The following LIMS2 variants were observed in gnomAD, a reference collection of about 807,000 sequenced individuals.
LIMS2 encodes the protein LIM zinc finger domain containing 2.
LIMS2 carries 30 observed loss-of-function variants against 45.3 expected under a neutral mutation model. That is an observed-to-expected ratio of 0.66 (90% CI 0.50 to 0.90). The LOEUF (loss-of-function observed/expected upper bound fraction) is 0.90. LIMS2 is among the 40% of genes least tolerant of loss of function. The pLI is 0.00. For missense variants in LIMS2, 485 were observed against 468.7 expected (o/e 1.03, Z -0.32); for synonymous variants, 173 against 188.0 (o/e 0.92, Z 0.65).
chr2:127,650,081 T>C, intron 4 of LIMS2: 1 of 1,600,708 alleles, frequency 6.2e-7, no homozygotes, highest in Non-Finnish European at 8.5e-7. Flanking sequence ...CTCAGGTGGG[T>C]AAAAAGAGTA....
Position 127,649,179 on chromosome 2 carries a change from G to GGAAA in LIMS2, c.359+5244_359+5245insTTTC, listed in dbSNP as rs1316602152. On this transcript the variant is annotated intron_variant, in intron 4 of 9. Coordinates refer to ENST00000355119, the MANE Select transcript of LIMS2 (RefSeq NM_001161403.3). ...AGAGAGGAAGGTAGGAAGGAAGGAAGGAAGGAAGGAAGGAAGGAAGGAAGG... is the reference window on the plus strand; with the variant it reads ...AGAGAGGAAGGTAGGAAGGAAGGAAGGAAAGAAGGAAGGAAGGAAGGAAGGAAGG... 3.1e-3 allele frequency among the ~76,000 whole-genome samples: 369 copies of GGAAA among 118,398 alleles called. 2 individuals are homozygous for GGAAA. Among genetic ancestry groups the GGAAA allele is most frequent in the African/African-American group, 0.011 (246 of 21,970 alleles). 77.7% of individuals were successfully genotyped at this position (118,398 alleles called of 152,430 possible). A position where few individuals can be genotyped will look rare whatever the true frequency, so the allele number is the denominator to read the frequency against.
chr2:127,668,661 T>C (rs1281334840), intron 1 of LIMS2, among the ~76,000 whole-genome samples: 1 of 54,356 alleles, frequency 1.8e-5, no homozygotes, highest in Non-Finnish European at 3.2e-5. Flanking sequence ...AGAGTGAGAC[T>C]CCGTCTCAAA....
At chr2:127,679,451 G>GA (rs11398131), upstream of LIMS2, among the ~76,000 whole-genome samples, 57,603 of 151,946 alleles carry the variant, frequency 0.38, 12,011 homozygotes, top group African/African-American at 0.56. This position sits in a 1 kb window ranked among gnomAD's most constrained non-coding sequence, Gnocchi z 5.3. Context: ...CTGGGGGACA[G>GA]TGGGGCTCTG....
In LIMS2 at chr2:127,654,532, A is replaced by G. The variant is rs1558887521; in HGVS notation, c.251T>C (p.Ile84Thr). 3 of 1,614,110 alleles carry G rather than the reference A, an allele frequency of 1.9e-6. No individual in the cohort carries two copies. The highest frequency in any genetic ancestry group is 2.5e-6 in the Non-Finnish European group (3 of 1,179,968). Residue 84 changes from isoleucine (I) to threonine (T), a missense_variant, in exon 4 of 10, where the codon ATT (isoleucine) becomes ACT (threonine). Physicochemically the swap from Ile to Thr is moderately conservative, Grantham distance 89. Coordinates refer to ENST00000355119, the MANE Select transcript of LIMS2 (RefSeq NM_001161403.3). ...GTTCATGGCCTTGATGACGCGGCCA[A>G]TGATGAACTCACCTGGAAGAAGACA... ...PCCGSCGEFI[I>T]GRVIKAMNNN... is the part of the protein sequence containing the mutation.
At chr2:127,662,134 C>CA (rs1281486394) in intron 1 of LIMS2, among the ~76,000 whole-genome samples, 2 of 152,172 alleles carry the variant, frequency 1.3e-5, no homozygotes, top group Non-Finnish European at 2.9e-5. Context: ...CACCAGGCTG[C>CA]AACCCTGGCC....
At chr2:127,640,171 A>G in intron 8 of LIMS2, 26 bp from the exon 9 acceptor site, 1 of 1,612,764 alleles carries the variant, frequency 6.2e-7, no homozygotes. Flanking sequence ...GGGACTCAGC[A>G]GGCCTGGCTA....
At chr2:127,658,686 T>C (rs915573652) in intron 1 of LIMS2, among the ~76,000 whole-genome samples, 1 of 152,172 alleles carries the variant, frequency 6.6e-6, no homozygotes. Flanking sequence ...AAGAACCGGA[T>C]ACCCCACACC....
In LIMS2 at chr2:127,639,317, C is replaced by G; in HGVS notation, c.990G>C (p.Lys330Asn). 1 of 1,613,912 alleles carries G rather than the reference C, an allele frequency of 6.2e-7. No homozygotes were observed. Among genetic ancestry groups the G allele is most frequent in the Non-Finnish European group, 8.5e-7 (1 of 1,179,920 alleles). Residue 330 changes from lysine to asparagine, a missense_variant, in exon 10 of 10, where the codon AAG (lysine) becomes AAC (asparagine). Physicochemically the swap from Lys to Asn is moderately conservative, Grantham distance 94. Transcript: ENST00000355119. Reference protein sequence around the residue: ...LKKLSELTSRKAQPKATDLNS... With the variant: ...LKKLSELTSRNAQPKATDLNS... ...TGAGGTCTGTGGCCTTGGGCTGGGC[C>G]TTGCGGGAGGTCAGCTCCGACAGCT...
At position 127,653,554 on chromosome 2, in the gene LIMS2, A is replaced by T. The variant is rs1199611515; in HGVS notation, c.359+870T>A. 6.6e-6 allele frequency among the ~76,000 whole-genome samples: 1 copy of T among 152,166 alleles called. No individual in the cohort carries two copies. Among genetic ancestry groups the T allele is most frequent in the Non-Finnish European group, 1.5e-5 (1 of 68,018 alleles). The stretch of plus-strand genomic sequence containing the variant: ...ATGAGGGCCGGGCACGGAGCCCCAG[A>T]CGACTCCCCATGGAGAGACAGGGAG... On this transcript the variant is annotated intron_variant, in intron 4 of 9. Coordinates refer to ENST00000355119, the MANE Select transcript of LIMS2 (RefSeq NM_001161403.3). The surrounding 1 kb of genome is among the most constrained non-coding windows in gnomAD (Gnocchi z 5.3).
At chr2:127,666,930 CGTG>C (rs1237263007) in intron 1 of LIMS2, among the ~76,000 whole-genome samples, 1 of 152,164 alleles carries the variant, frequency 6.6e-6, no homozygotes, top group African/African-American at 2.4e-5. Context: ...TCCCTTGACA[CGTG>C]GGGATTATAG....
chr2:127,648,092 G>A, intron 4 of LIMS2: 1 of 985,568 alleles, frequency 1.0e-6, no homozygotes, highest in Non-Finnish European at 1.2e-6. Flanking sequence ...GCAGTCCTAG[G>A]GAAAGTGCCA....
At chr2:127,674,002 C>T (rs954953159) in intron 1 of LIMS2, 4 of 482,276 alleles carry the variant, frequency 8.3e-6, no homozygotes, top group Middle Eastern at 6.0e-4. Flanking sequence ...GCAGGACTTA[C>T]AAAGTGACAA....
Position 127,664,324 on chromosome 2 carries a change from C to T in LIMS2, c.12-6762G>A, listed in dbSNP as rs977472417. 1 of 1,232,420 alleles carries T rather than the reference C, an allele frequency of 8.1e-7. No homozygotes were observed. Among genetic ancestry groups the T allele is most frequent in the Non-Finnish European group, 1.0e-6 (1 of 988,752 alleles). The allele number at this position is 1,232,420 out of a possible 1,614,324, so 76.3% of individuals were successfully genotyped here. On this transcript the variant is annotated intron_variant, in intron 1 of 9. Coordinates refer to ENST00000355119, the MANE Select transcript of LIMS2 (RefSeq NM_001161403.3). This position sits in a 1 kb window ranked among gnomAD's most constrained non-coding sequence, Gnocchi z 5.5. ...CACCTACCCCGTGGCTGGCGGCGGG[C>T]TCTGCCGGTGCTGGCGCCGCCGGTA... is the stretch of plus-strand genomic sequence containing the variant.
Position 127,642,889 on chromosome 2 carries a change from C to T in LIMS2, c.509+34G>A. 1 of 1,546,158 alleles carries T rather than the reference C, an allele frequency of 6.5e-7. No individual in the cohort carries two copies. Among genetic ancestry groups the T allele is most frequent in the Non-Finnish European group, 8.7e-7 (1 of 1,143,432 alleles). ...ACCCTGGGCCAGCCCTGGCTCCCCGCCCCCACAACTGCAGGGCCGGGCTGC... is the reference window on the plus strand; with the variant it reads ...ACCCTGGGCCAGCCCTGGCTCCCCGTCCCCACAACTGCAGGGCCGGGCTGC... On this transcript the variant is annotated intron_variant, in intron 5 of 9. Transcript: ENST00000355119. The surrounding 1 kb of genome is among the most constrained non-coding windows in gnomAD (Gnocchi z 5.3).
chr2:127,651,438 C>A, intron 4 of LIMS2: 13 of 1,612,826 alleles, frequency 8.1e-6, no homozygotes, highest in Middle Eastern at 1.6e-4. Flanking sequence ...CAAGGCAGTG[C>A]GCATGATCGC....
Position 127,653,830 on chromosome 2 carries a change from C to T in LIMS2, c.359+594G>A, listed in dbSNP as rs1030308779. Among the ~76,000 whole-genome samples, 5 of 152,014 alleles carry T rather than the reference C, an allele frequency of 3.3e-5. No individual in the cohort carries two copies. The highest frequency in any genetic ancestry group is 7.3e-5 in the African/African-American group (3 of 41,370). ...CAGCAGTGTTTTTAACCCAGCTCCC[C>T]AGCCCAGTCCTTCAGAAAGGACGAG... On this transcript the variant is annotated intron_variant, in intron 4 of 9. Coordinates refer to ENST00000355119, the MANE Select transcript of LIMS2 (RefSeq NM_001161403.3). The surrounding 1 kb of genome is among the most constrained non-coding windows in gnomAD (Gnocchi z 5.3).
intron 1 of LIMS2, chr2:127,673,746 A>G (rs1416291858): frequency 6.4e-7 from 1 of 1,551,118 alleles, no homozygotes; most frequent in Non-Finnish European, 8.7e-7. Context: ...TTCTTTTCCT[A>G]GAAAACAGGA....
At position 127,641,058 on chromosome 2, in the gene LIMS2, C is replaced by T. The variant is rs1035343909; in HGVS notation, c.661-70G>A. ...GTGACCCCGAGGGACAGTGGTGACC[C>T]GGGGACAACAGTGACCCCAGGAGCC... is the stretch of plus-strand genomic sequence containing the variant. On this transcript the variant is annotated intron_variant, in intron 6 of 9. Coordinates refer to ENST00000355119, the MANE Select transcript of LIMS2 (RefSeq NM_001161403.3). 7.3e-5 allele frequency: 96 copies of T among 1,308,398 alleles called. 1 individual carries two copies. The highest frequency in any genetic ancestry group is 9.4e-5 in the Non-Finnish European group (86 of 910,840). The allele number at this position is 1,308,398 out of a possible 1,614,324, so 81.0% of individuals were successfully genotyped here.
Position 127,664,562 on chromosome 2 carries a change from G to T in LIMS2, c.12-7000C>A. On this transcript the variant is annotated intron_variant, in intron 1 of 9. Transcript: ENST00000355119. The surrounding 1 kb of genome is among the most constrained non-coding windows in gnomAD (Gnocchi z 5.5). The stretch of plus-strand genomic sequence containing the variant: ...CACGTTACGCGCTGGGATCTCCAAA[G>T]GGCAGCAGAGTCAACTCCAAATAGA... 8.7e-7 allele frequency: 1 copy of T among 1,148,152 alleles called. No homozygotes were observed. Among genetic ancestry groups the T allele is most frequent in the Admixed American group, 4.7e-5 (1 of 21,086 alleles). The allele number at this position is 1,148,152 out of a possible 1,614,324, so 71.1% of individuals were successfully genotyped here. A position where few individuals can be genotyped will look rare whatever the true frequency, so the allele number is the denominator to read the frequency against.
Sources: allele counts gnomAD v4.1 joint callset (sites outside exome capture counted in the v4.1 genomes callset), GRCh38; gene constraint gnomAD v4.1.1; non-coding constraint Gnocchi (gnomAD v3.1); transcripts MANE v1.5; gene names NCBI Gene and HGNC (gene_info 2026-07-23, HGNC 2026-07-21).